Variants in IL19 observed in about 807,000 individuals in gnomAD.
The protein encoded by IL19 is interleukin-19.
Under a neutral mutation model 19.5 loss-of-function variants are expected in IL19, and 15 were observed. That is an observed-to-expected ratio of 0.77 (90% CI 0.52 to 1.19). The LOEUF is 1.19. Among genes scored for constraint, IL19 ranks in the 50% most tolerant of loss-of-function variants. IL19 has a pLI of 0.00. For missense variants in IL19, 199 were observed against 213.1 expected (o/e 0.93, Z 0.41); for synonymous variants, 78 against 78.3 (o/e 1.00, Z 0.02).
chr1:206,834,236 A>G, intron 2 of IL19: 1 of 985,270 alleles, frequency 1.0e-6, no homozygotes, highest in Non-Finnish European at 1.2e-6. Flanking sequence ...GAAATACAAT[A>G]CTAAGAAAAC....
At chr1:206,816,341 T>A (rs938444919) in intron 2 of IL19, among the ~76,000 whole-genome samples, 1 of 152,102 alleles carries the variant, frequency 6.6e-6, no homozygotes, top group African/African-American at 2.4e-5. Flanking sequence ...ATTTATAAAA[T>A]AGGTATAGGT....
At chr1:206,771,989 T>C (rs2102440541) in intron 1 of IL19, among the ~76,000 whole-genome samples, 1 of 152,332 alleles carries the variant, frequency 6.6e-6, no homozygotes, top group East Asian at 1.9e-4. Context: ...TCCTAGCCAA[T>C]AAAGTATAGA....
At chr1:206,774,053 GT>G (rs1674931427) in intron 1 of IL19, among the ~76,000 whole-genome samples, 3 of 152,232 alleles carry the variant, frequency 2.0e-5, no homozygotes, top group African/African-American at 4.8e-5. Context: ...GACAACTCCA[GT>G]GGCAGCAGGT....
At chr1:206,823,801 T>C (rs1676356905) in intron 2 of IL19, among the ~76,000 whole-genome samples, 1 of 152,146 alleles carries the variant, frequency 6.6e-6, no homozygotes, top group Non-Finnish European at 1.5e-5. Context: ...GGGTAAGAAA[T>C]GCAGGGAATA....
chr1:206,840,273 T>G (rs1279541690), intron 5 of IL19: 1 of 600,680 alleles, frequency 1.7e-6, no homozygotes, highest in South Asian at 1.6e-5. Context: ...GTAAGAGGCA[T>G]GGCAAGGACT....
At chr1:206,830,991 A>T (rs1287093897) in intron 2 of IL19, among the ~76,000 whole-genome samples, 1 of 152,152 alleles carries the variant, frequency 6.6e-6, no homozygotes, top group East Asian at 1.9e-4. Context: ...GATCTAATAC[A>T]TTTCATCTAA....
At chr1:206,776,232 T>C (rs1674987202) in intron 1 of IL19, among the ~76,000 whole-genome samples, 2 of 152,154 alleles carry the variant, frequency 1.3e-5, no homozygotes, top group Non-Finnish European at 2.9e-5. Flanking sequence ...TCAGATGTCA[T>C]CCAGGACCCG....
chr1:206,825,504 C>T lies in IL19; in HGVS notation c.-2-11157C>T, dbSNP rs142497351. On this transcript the variant is annotated intron_variant, in intron 2 of 6. Coordinates refer to ENST00000659997, the MANE Select transcript of IL19 (RefSeq NM_153758.5). The stretch of plus-strand genomic sequence containing the variant: ...CTTCAACTTAGGTGCAAACCCTAGA[C>T]GAAAAAAGACTGTAATTCAACTCTT... Among the ~76,000 whole-genome samples, 549 of 152,246 alleles carry T rather than the reference C, an allele frequency of 3.6e-3. 2 individuals carry two copies. Among genetic ancestry groups the T allele is most frequent in the African/African-American group, 8.6e-3 (359 of 41,532 alleles).
chr1:206,787,883 G>A (rs1417469334), intron 1 of IL19, among the ~76,000 whole-genome samples: 1 of 152,100 alleles, frequency 6.6e-6, no homozygotes, highest in Non-Finnish European at 1.5e-5. Context: ...ATCTTTTCCT[G>A]GGCTGCGTTA....
chr1:206,836,858 C>T (rs1412177949), intron 3 of IL19, 52 bp downstream of exon 3: 3 of 1,609,252 alleles, frequency 1.9e-6, no homozygotes, highest in African/African-American at 1.3e-5. Flanking sequence ...CCTCCCCTTA[C>T]ATCTTAGCTT....
intron 2 of IL19, among the ~76,000 whole-genome samples, chr1:206,817,659 G>A (rs917321388): frequency 1.3e-5 from 2 of 151,958 alleles, no homozygotes; most frequent in Non-Finnish European, 2.9e-5. Flanking sequence ...GGACATAACA[G>A]TCTTAAGTGT....
chr1:206,826,605 G>A (rs1676439823), intron 2 of IL19, among the ~76,000 whole-genome samples: 1 of 152,182 alleles, frequency 6.6e-6, no homozygotes, highest in East Asian at 1.9e-4. Flanking sequence ...TCCTCCCAGG[G>A]CTCTGGGGTG....
chr1:206,816,972 C>T (rs1375420212), intron 2 of IL19, among the ~76,000 whole-genome samples: 3 of 152,092 alleles, frequency 2.0e-5, no homozygotes, highest in African/African-American at 7.2e-5. Flanking sequence ...AAACTGTGCA[C>T]CAAAGAGTAA....
intron 1 of IL19, among the ~76,000 whole-genome samples, chr1:206,781,414 CAAAAAAAA>C (rs57060549): frequency 2.1e-4 from 9 of 43,024 alleles, no homozygotes; most frequent in South Asian, 1.3e-3. Context: ...GACTCTGTCT[CAAAAAAAA>C]AAAAAAAAAA....
chr1:206,817,262 C>T (rs1676180621), intron 2 of IL19, among the ~76,000 whole-genome samples: 2 of 152,202 alleles, frequency 1.3e-5, no homozygotes, highest in Non-Finnish European at 2.9e-5. Flanking sequence ...ACTTTCCAGA[C>T]CTCCCTTTCC....
intron 1 of IL19, among the ~76,000 whole-genome samples, chr1:206,778,813 C>T (rs1180438200): frequency 6.6e-6 from 1 of 152,172 alleles, no homozygotes; most frequent in Non-Finnish European, 1.5e-5. Flanking sequence ...GTTGGTCCCT[C>T]CCTCTTCCTT....
intron 2 of IL19, among the ~76,000 whole-genome samples, chr1:206,820,505 A>T (rs550795106): frequency 6.6e-6 from 1 of 152,220 alleles, no homozygotes; most frequent in Non-Finnish European, 1.5e-5. Context: ...AGATCAAGAT[A>T]TTGGCACCAG....
intron 1 of IL19, among the ~76,000 whole-genome samples, chr1:206,785,134 C>T (rs780961405): frequency 6.6e-6 from 1 of 152,160 alleles, no homozygotes; most frequent in Non-Finnish European, 1.5e-5. Context: ...ATATCTGACC[C>T]CTGTGAAAAC....
intron 4 of IL19, among the ~76,000 whole-genome samples, chr1:206,837,869 G>A (rs1227721639): frequency 6.6e-6 from 1 of 152,088 alleles, no homozygotes; most frequent in Non-Finnish European, 1.5e-5. Flanking sequence ...AAGAATGTGT[G>A]TTAGGGCATG....
Sources: allele counts gnomAD v4.1 joint callset (sites outside exome capture counted in the v4.1 genomes callset), GRCh38; gene constraint gnomAD v4.1.1; transcripts MANE v1.5; gene names NCBI Gene and HGNC (gene_info 2026-07-23, HGNC 2026-07-21).